LRMDA: variants seen among roughly 807,000 people sequenced by gnomAD.
LRMDA encodes leucine-rich melanocyte differentiation-associated protein.
Under a neutral mutation model 29.8 loss-of-function variants are expected in LRMDA, and 18 were observed. The observed-to-expected ratio is 0.60, with a 90% CI of 0.42 to 0.90. The LOEUF is 0.90. LRMDA is among the 40% of genes least tolerant of loss of function. The probability of loss-of-function intolerance (pLI) is 0.00; values close to 1 mark genes in which losing one functional copy is unlikely to be tolerated. For synonymous variants in LRMDA, 125 were observed against 109.4 expected, an observed-to-expected ratio of 1.14 and a Z score of -0.89; for missense variants, 273 against 273.9, an observed-to-expected ratio of 1.00 and a Z score of 0.02.
At chr10:76,397,063 G>A (rs757148347) in intron 6 of LRMDA, among the ~76,000 whole-genome samples, 11 of 152,092 alleles carry the variant, frequency 7.2e-5, no homozygotes, top group Admixed American at 1.3e-4. Flanking sequence ...CCCCTCCCTT[G>A]CTGGTTTCTG....
intron 5 of LRMDA, among the ~76,000 whole-genome samples, chr10:76,257,256 T>A (rs1852612561): frequency 1.3e-5 from 2 of 152,032 alleles, no homozygotes; most frequent in Non-Finnish European, 2.9e-5. Context: ...AAGAATTTTG[T>A]TTTATGGAGG....
At chr10:75,893,723 C>G (rs971241016) in intron 2 of LRMDA, among the ~76,000 whole-genome samples, 3 of 152,106 alleles carry the variant, frequency 2.0e-5, no homozygotes, top group African/African-American at 7.2e-5. Flanking sequence ...ACCTTGAGGT[C>G]AGGTGTTCAA....
At chr10:75,979,387 T>A (rs1267119317) in intron 2 of LRMDA, among the ~76,000 whole-genome samples, 1 of 152,178 alleles carries the variant, frequency 6.6e-6, no homozygotes, top group Admixed American at 6.5e-5. Context: ...TTAAAACTAG[T>A]GCTTTATGTT....
chr10:76,264,813 A>G (rs1839987246), intron 5 of LRMDA, among the ~76,000 whole-genome samples: 1 of 152,220 alleles, frequency 6.6e-6, no homozygotes, highest in African/African-American at 2.4e-5. Flanking sequence ...ATCATGCCCC[A>G]TGCTTAACCT....
At chr10:76,486,437 C>G (rs191872023) in intron 6 of LRMDA, among the ~76,000 whole-genome samples, 2 of 151,870 alleles carry the variant, frequency 1.3e-5, no homozygotes, top group African/African-American at 4.8e-5. Context: ...TTTTTTGGCT[C>G]TGTGCTGCAC....
intron 2 of LRMDA, among the ~76,000 whole-genome samples, chr10:75,920,948 A>T (rs994491336): frequency 3.3e-5 from 5 of 152,116 alleles, no homozygotes; most frequent in Non-Finnish European, 5.9e-5. Flanking sequence ...GAGAGAGGAG[A>T]GAAGGGAGCT....
intron 2 of LRMDA, among the ~76,000 whole-genome samples, chr10:75,687,232 A>G (rs1281875165): frequency 6.6e-6 from 1 of 152,250 alleles, no homozygotes; most frequent in Non-Finnish European, 1.5e-5. Context: ...TCAAAAGCCA[A>G]GACAGTCCAA....
chr10:75,945,125 C>T (rs1846455517), intron 2 of LRMDA, among the ~76,000 whole-genome samples: 1 of 152,124 alleles, frequency 6.6e-6, no homozygotes, highest in Non-Finnish European at 1.5e-5. Flanking sequence ...TCTGGTATTA[C>T]CTTTCCCTCC....
chr10:76,067,011 C>T (rs1848795655), intron 5 of LRMDA, among the ~76,000 whole-genome samples: 1 of 152,192 alleles, frequency 6.6e-6, no homozygotes, highest in Non-Finnish European at 1.5e-5. Context: ...AGTGCTCAGG[C>T]AGCTACAGGG....
At chr10:75,596,836 A>G (rs9416087) in intron 2 of LRMDA, among the ~76,000 whole-genome samples, 90,497 of 152,158 alleles carry the variant, frequency 0.59, 30,756 homozygotes, top group East Asian at 0.85. Flanking sequence ...TACATGAGCA[A>G]ATGTGATACA....
intron 2 of LRMDA, among the ~76,000 whole-genome samples, chr10:75,717,156 A>G (rs1842511167): frequency 6.6e-6 from 1 of 152,130 alleles, no homozygotes; most frequent in Non-Finnish European, 1.5e-5. Context: ...GAGGAGGAAA[A>G]TATTTTGGGG....
intron 5 of LRMDA, among the ~76,000 whole-genome samples, chr10:76,305,171 A>G (rs949965385): frequency 6.6e-6 from 1 of 152,162 alleles, no homozygotes; most frequent in Non-Finnish European, 1.5e-5. Context: ...AGCTGGAGAA[A>G]GCAGAGGAGT....
chr10:76,021,124 T>C (rs907803758), intron 2 of LRMDA, among the ~76,000 whole-genome samples: 1 of 152,226 alleles, frequency 6.6e-6, no homozygotes, highest in Non-Finnish European at 1.5e-5. Context: ...CCTGGGACAG[T>C]TGGACAATAG....
intron 5 of LRMDA, among the ~76,000 whole-genome samples, chr10:76,167,885 A>C (rs879493725): frequency 6.6e-6 from 1 of 152,230 alleles, no homozygotes; most frequent in African/African-American, 2.4e-5. Flanking sequence ...CCCATCCATG[A>C]GCATGGAATG....
chr10:76,360,600 A>G (rs911979995), intron 6 of LRMDA, among the ~76,000 whole-genome samples: 1 of 152,196 alleles, frequency 6.6e-6, no homozygotes, highest in African/African-American at 2.4e-5. Flanking sequence ...GGTTTATAAC[A>G]ATTTCTAACC....
intron 5 of LRMDA, among the ~76,000 whole-genome samples, chr10:76,212,447 C>T (rs1851653636): frequency 6.6e-6 from 1 of 152,054 alleles, no homozygotes; most frequent in Admixed American, 6.6e-5. Flanking sequence ...TACTCCTGGG[C>T]CTCCCTTTTT....
chr10:76,411,471 G>A (rs1364723158), intron 6 of LRMDA, among the ~76,000 whole-genome samples: 1 of 152,210 alleles, frequency 6.6e-6, no homozygotes, highest in Non-Finnish European at 1.5e-5. Context: ...GACTCCCTGG[G>A]TGGAATGCAT....
chr10:76,330,834 C>A (rs1840895812), intron 6 of LRMDA, among the ~76,000 whole-genome samples: 1 of 152,160 alleles, frequency 6.6e-6, no homozygotes, highest in Non-Finnish European at 1.5e-5. Context: ...AATGTGAAAG[C>A]TAAGTAGGTC....
intron 4 of LRMDA, among the ~76,000 whole-genome samples, chr10:76,051,693 A>T (rs1404754652): frequency 6.6e-6 from 1 of 152,224 alleles, no homozygotes; most frequent in Admixed American, 6.5e-5. Context: ...CATTTGAAAG[A>T]GGCTTAGACA....
Sources: gnomAD v4.1 joint callset for allele counts (sites outside exome capture counted in the v4.1 genomes callset) on GRCh38, gnomAD v4.1.1 for gene constraint, MANE v1.5 for transcripts, NCBI Gene and HGNC (gene_info 2026-07-23, HGNC 2026-07-21) for gene names.